KCNK1: variants seen among roughly 807,000 people sequenced by gnomAD.
KCNK1 encodes potassium channel subfamily K member 1.
Under a neutral mutation model 22.2 loss-of-function variants are expected in KCNK1, and 10 were observed. The ratio of observed to expected loss-of-function variants is 0.45; its 90% CI spans 0.28 to 0.76. The LOEUF is 0.76. Ranked by LOEUF, KCNK1 falls within the 30% of genes least tolerant of loss-of-function variation. The pLI is 0.14. For synonymous variants in KCNK1, 200 were observed against 186.4 expected (o/e 1.07, Z -0.60); for missense variants, 378 against 421.0 (o/e 0.90, Z 0.89).
chr1:233,663,748 C>T (rs1292010872), intron 1 of KCNK1, among the ~76,000 whole-genome samples: 1 of 152,090 alleles, frequency 6.6e-6, no homozygotes, highest in African/African-American at 2.4e-5. Flanking sequence ...ACCTTCTGGT[C>T]ATGTGAGCAC....
Position 233,663,761 on chromosome 1 carries a change from T to C in KCNK1, c.356-2834T>C, listed in dbSNP as rs59879800. On this transcript the variant is annotated intron_variant, in intron 1 of 2. Transcript: ENST00000366621. ...TGACCTTCTGGTCATGTGAGCACTG[T>C]TGTTAATATCTCCTAACACTTTCAG... Among the ~76,000 whole-genome samples, 1,192 of 152,226 alleles carry C rather than the reference T, an allele frequency of 7.8e-3. 48 individuals carry two copies. The East Asian group carries it at 0.1, about 13-fold the overall frequency.
At chr1:233,669,426 A>G (rs7552738) in intron 2 of KCNK1, among the ~76,000 whole-genome samples, 41,386 of 152,120 alleles carry the variant, frequency 0.27, 5,762 homozygotes, top group Non-Finnish European at 0.29. Flanking sequence ...TGTTTTGAGC[A>G]TCAAGAACCT....
chr1:233,664,978 A>G (rs1183041745), intron 1 of KCNK1, among the ~76,000 whole-genome samples: 1 of 152,222 alleles, frequency 6.6e-6, no homozygotes, highest in Non-Finnish European at 1.5e-5. Context: ...AGTGCTCATG[A>G]GATTTTAAAA....
chr1:233,640,482 G>T (rs1487383460), intron 1 of KCNK1, among the ~76,000 whole-genome samples: 1 of 152,184 alleles, frequency 6.6e-6, no homozygotes, highest in Non-Finnish European at 1.5e-5. Flanking sequence ...AACAGACTTA[G>T]AAGTAATTAA....
At chr1:233,631,475 A>C in intron 1 of KCNK1, 1 of 359,892 alleles carries the variant, frequency 2.8e-6, no homozygotes, top group Non-Finnish European at 5.6e-6. Context: ...GGTATCTTGA[A>C]GAATGTGCAA....
intron 1 of KCNK1, among the ~76,000 whole-genome samples, chr1:233,655,439 T>C (rs1658273526): frequency 6.6e-6 from 1 of 152,098 alleles, no homozygotes; most frequent in Admixed American, 6.5e-5. Context: ...TGAGTTAAGA[T>C]TTTTGGAACC....
chr1:233,649,217 A>T (rs928095950), intron 1 of KCNK1, among the ~76,000 whole-genome samples: 1 of 152,134 alleles, frequency 6.6e-6, no homozygotes, highest in Non-Finnish European at 1.5e-5. Flanking sequence ...GTAAGAATCT[A>T]CTCCTCAGGG....
intron 1 of KCNK1, among the ~76,000 whole-genome samples, chr1:233,648,730 C>A (rs1658146345): frequency 6.6e-6 from 1 of 152,052 alleles, no homozygotes; most frequent in Admixed American, 6.5e-5. Context: ...CCACACCCGG[C>A]TGATTTTTGT....
chr1:233,667,264 T>G (rs1011681074), intron 2 of KCNK1, among the ~76,000 whole-genome samples: 9 of 152,182 alleles, frequency 5.9e-5, no homozygotes, highest in Non-Finnish European at 1.3e-4. Flanking sequence ...CTGATTGCTT[T>G]CTTCTCATTG....
intron 1 of KCNK1, among the ~76,000 whole-genome samples, chr1:233,634,272 C>T: frequency 6.7e-6 from 1 of 150,318 alleles, no homozygotes; most frequent in East Asian, 1.9e-4. Context: ...CGCCACTGCA[C>T]TCCAGCCTGG....
chr1:233,663,035 A>C (rs1658429165), intron 1 of KCNK1, among the ~76,000 whole-genome samples: 1 of 152,226 alleles, frequency 6.6e-6, no homozygotes, highest in South Asian at 2.1e-4. Context: ...TAAATTATTC[A>C]CGACTTCATT....
intron 1 of KCNK1, among the ~76,000 whole-genome samples, chr1:233,655,332 G>C (rs2102904098): frequency 6.6e-6 from 1 of 152,276 alleles, no homozygotes; most frequent in Non-Finnish European, 1.5e-5. Context: ...AGGGGAAATT[G>C]CTTCAGAATG....
At chr1:233,631,268 A>G (rs930734896) in intron 1 of KCNK1, 1 of 531,122 alleles carries the variant, frequency 1.9e-6, no homozygotes, top group African/African-American at 1.9e-5. Flanking sequence ...CGGGTTTCTG[A>G]CAACATCAAG....
At chr1:233,614,903 G>A (rs1397368155) in intron 1 of KCNK1, among the ~76,000 whole-genome samples, 1 of 152,188 alleles carries the variant, frequency 6.6e-6, no homozygotes, top group African/African-American at 2.4e-5. Context: ...AAACTGTCGG[G>A]TTTGAATGTG....
intron 1 of KCNK1, among the ~76,000 whole-genome samples, chr1:233,662,914 C>T (rs973220994): frequency 2.6e-5 from 4 of 152,154 alleles, no homozygotes; most frequent in Admixed American, 2.0e-4. Flanking sequence ...GGTCTATTAA[C>T]ATTTTGCTAA....
intron 1 of KCNK1, among the ~76,000 whole-genome samples, chr1:233,619,421 A>G (rs1217776671): frequency 6.6e-6 from 1 of 152,196 alleles, no homozygotes; most frequent in East Asian, 1.9e-4. Context: ...AGTGTTCAGT[A>G]AGTGAACTTA....
intron 1 of KCNK1, among the ~76,000 whole-genome samples, chr1:233,653,612 G>A (rs1385272838): frequency 1.3e-5 from 2 of 152,136 alleles, no homozygotes; most frequent in Non-Finnish European, 2.9e-5. Flanking sequence ...GAGAGAAAGG[G>A]CTATTTGTCT....
intron 1 of KCNK1, among the ~76,000 whole-genome samples, chr1:233,643,771 A>G (rs1658042912): frequency 6.6e-6 from 1 of 152,134 alleles, no homozygotes; most frequent in Admixed American, 6.5e-5. Context: ...ATTTAAATTC[A>G]CCTAATTCCT....
intron 1 of KCNK1, among the ~76,000 whole-genome samples, chr1:233,641,540 T>C (rs1426640621): frequency 6.6e-6 from 1 of 152,230 alleles, no homozygotes; most frequent in Non-Finnish European, 1.5e-5. Context: ...GTTCTCACAC[T>C]GTAAGGTCTG....
Sources: allele counts gnomAD v4.1 joint callset (sites outside exome capture counted in the v4.1 genomes callset), GRCh38; gene constraint gnomAD v4.1.1; transcripts MANE v1.5; gene names NCBI Gene and HGNC (gene_info 2026-07-23, HGNC 2026-07-21).